FSD1L: variants seen among roughly 807,000 people sequenced by gnomAD.
FSD1L encodes fibronectin type III and SPRY domain containing 1 like, also known as FSD1-like protein.
In FSD1L, 45 loss-of-function variants were observed where a neutral mutation model predicts 71.6. The observed-to-expected ratio is 0.63, with a 90% CI of 0.49 to 0.81. The LOEUF (loss-of-function observed/expected upper bound fraction) is 0.81, where lower values mean the gene tolerates loss of function less well. Ranked by LOEUF, FSD1L falls within the 30% of genes least tolerant of loss-of-function variation. FSD1L has a pLI of 0.00. For missense variants in FSD1L, 561 were observed against 618.1 expected, an observed-to-expected ratio of 0.91 and a Z score of 0.98; for synonymous variants, 197 against 207.2, an observed-to-expected ratio of 0.95 and a Z score of 0.42.
chr9:105,447,911 C>A, upstream of FSD1L: 2 of 497,500 alleles, frequency 4.0e-6, no homozygotes, highest in South Asian at 2.5e-5. Flanking sequence ...GTGCAGCCTG[C>A]AGAGGCACTA....
At chr9:105,538,059 A>G (rs1364553035) in intron 12 of FSD1L, among the ~76,000 whole-genome samples, 1 of 152,178 alleles carries the variant, frequency 6.6e-6, no homozygotes, top group Non-Finnish European at 1.5e-5. Flanking sequence ...TTTGGGGGGA[A>G]ATGAAATGCC....
At chr9:105,465,029 T>A (rs1208354746) in intron 3 of FSD1L, among the ~76,000 whole-genome samples, 1 of 151,934 alleles carries the variant, frequency 6.6e-6, no homozygotes, top group Non-Finnish European at 1.5e-5. Context: ...TAGAAGTAGA[T>A]GAAAGTAACA....
chr9:105,471,980 T>C lies in FSD1L; in HGVS notation c.416T>C (p.Ile139Thr), dbSNP rs1375946425. The C allele has an allele frequency of 6.2e-6, 9 of 1,443,374 alleles. No homozygotes were observed. Among genetic ancestry groups the C allele is most frequent in the Non-Finnish European group, 8.2e-6 (9 of 1,099,192 alleles). 89.4% of individuals were successfully genotyped at this position (1,443,374 alleles called of 1,614,324 possible). The change falls in exon 5 of 14, where the codon ATA (isoleucine) becomes ACA (threonine). Residue 139 changes from isoleucine (I) to threonine (T), a missense_variant. Coordinates refer to ENST00000481272, the MANE Select transcript of FSD1L (RefSeq NM_001145313.3). ...GAATTTGCAACAAGGTCATTAGATA[T>C]AAAGGAACCTGAAGAATTTTCAAAG... ...LLEFATRSLD[I>T]KEPEEFSKAA... is the part of the protein sequence containing the mutation.
intron 10 of FSD1L, among the ~76,000 whole-genome samples, chr9:105,529,643 T>G (rs1393629761): frequency 6.6e-6 from 1 of 151,834 alleles, no homozygotes; most frequent in Non-Finnish European, 1.5e-5. Flanking sequence ...AGAGGTGGAA[T>G]AGCATTAGGA....
chr9:105,483,084 G>A (rs34019764), intron 6 of FSD1L, among the ~76,000 whole-genome samples: 8 of 152,064 alleles, frequency 5.3e-5, no homozygotes, highest in Middle Eastern at 3.2e-3. Flanking sequence ...TTTGAGAGAC[G>A]GGTTAGTGTA....
chr9:105,510,012 G>T (rs764867544), intron 9 of FSD1L, among the ~76,000 whole-genome samples: 1 of 152,048 alleles, frequency 6.6e-6, no homozygotes, highest in Non-Finnish European at 1.5e-5. Flanking sequence ...TTCATTTACT[G>T]TTCATATTTA....
At chr9:105,483,360 T>G (rs1180610822) in intron 6 of FSD1L, among the ~76,000 whole-genome samples, 1 of 152,206 alleles carries the variant, frequency 6.6e-6, no homozygotes, top group African/African-American at 2.4e-5. Flanking sequence ...TGGGTAGATT[T>G]GGCAGATCCA....
chr9:105,516,189 A>G (rs1482682280), intron 10 of FSD1L, among the ~76,000 whole-genome samples: 1 of 152,354 alleles, frequency 6.6e-6, no homozygotes, highest in Non-Finnish European at 1.5e-5. Flanking sequence ...CACCAGCGTC[A>G]GTCAGGGACT....
At position 105,529,254 on chromosome 9, in the gene FSD1L, C is replaced by T. The variant is rs532206118; in HGVS notation, c.1026-5239C>T. 1.6e-4 allele frequency among the ~76,000 whole-genome samples: 24 copies of T among 152,198 alleles called. No homozygotes were observed. In the South Asian group the frequency reaches 4.4e-3, roughly 28 times the overall value. The stretch of plus-strand genomic sequence containing the variant: ...TCTAGAACTAGAAATATCATTTGAC[C>T]CAGCAATCCCATTACTGGGTATATA... On this transcript the variant is annotated intron_variant, in intron 10 of 13. Transcript: ENST00000481272.
In FSD1L at chr9:105,552,328, G is replaced by C. The variant is rs1441430289; in HGVS notation, c.*5845G>C. On this transcript the variant is annotated 3_prime_UTR_variant, in exon 14 of 14. Transcript: ENST00000481272. ...TTCACTTTAAAATAGGGTATTCAAAGTGGAGTAACGTGTATTTTGAAATGA... is the reference window on the plus strand; with the variant it reads ...TTCACTTTAAAATAGGGTATTCAAACTGGAGTAACGTGTATTTTGAAATGA... 6.6e-6 allele frequency: 1 copy of C among 151,978 alleles called. No individual in the cohort carries two copies. Among genetic ancestry groups the C allele is most frequent in the South Asian group, 2.1e-4 (1 of 4,830 alleles). 9.4% of individuals were successfully genotyped at this position (151,978 alleles called of 1,614,324 possible).
At chr9:105,528,169 T>C (rs1835646994) in intron 10 of FSD1L, among the ~76,000 whole-genome samples, 1 of 152,206 alleles carries the variant, frequency 6.6e-6, no homozygotes, top group African/African-American at 2.4e-5. Context: ...AAACATTCCA[T>C]GCTCATGGAT....
chr9:105,463,550 G>T (rs1293690286), intron 2 of FSD1L, among the ~76,000 whole-genome samples: 1 of 152,206 alleles, frequency 6.6e-6, no homozygotes, highest in African/African-American at 2.4e-5. Flanking sequence ...CTTTAACTGT[G>T]TGTGGCTAGT....
chr9:105,444,203 G>C (rs1240583920), upstream of FSD1L, among the ~76,000 whole-genome samples: 1 of 152,130 alleles, frequency 6.6e-6, no homozygotes, highest in Non-Finnish European at 1.5e-5. Flanking sequence ...GAGTAAGAGA[G>C]TAATTATTAG....
At chr9:105,544,065 C>T (rs1425356485) in intron 13 of FSD1L, among the ~76,000 whole-genome samples, 10 of 152,298 alleles carry the variant, frequency 6.6e-5, no homozygotes, top group African/African-American at 2.2e-4. Context: ...TAAAAGTGTT[C>T]CTGTTTCTCC....
intron 9 of FSD1L, 23 bp from the exon 10 acceptor site, chr9:105,512,784 T>C (rs989488713): frequency 1.5e-6 from 2 of 1,323,044 alleles, no homozygotes; most frequent in East Asian, 2.6e-5. Flanking sequence ...TTTAAAAATA[T>C]ATTTAAATAT....
chr9:105,521,494 T>G (rs927496546), intron 10 of FSD1L: 4 of 1,613,954 alleles, frequency 2.5e-6, no homozygotes, highest in African/African-American at 1.3e-5. Context: ...GTGACAGAGA[T>G]ATTTCGTCAG....
At chr9:105,539,782 C>T (rs1056762220) in intron 13 of FSD1L, among the ~76,000 whole-genome samples, 1 of 152,122 alleles carries the variant, frequency 6.6e-6, no homozygotes, top group African/African-American at 2.4e-5. Flanking sequence ...TTTGACTCAA[C>T]ATTATGCTTG....
At chr9:105,459,954 T>C (rs1200550311) in intron 1 of FSD1L, among the ~76,000 whole-genome samples, 1 of 152,238 alleles carries the variant, frequency 6.6e-6, no homozygotes, top group Non-Finnish European at 1.5e-5. Context: ...GTGGACCCTT[T>C]ATCTAGGTGT....
At chr9:105,488,520 A>G (rs1832702407) in intron 7 of FSD1L, among the ~76,000 whole-genome samples, 1 of 152,190 alleles carries the variant, frequency 6.6e-6, no homozygotes, top group Admixed American at 6.5e-5. Flanking sequence ...ATAAGTTTTC[A>G]ACTCCTTTGG....
Sources: allele counts gnomAD v4.1 joint callset (sites outside exome capture counted in the v4.1 genomes callset), GRCh38; gene constraint gnomAD v4.1.1; transcripts MANE v1.5; gene names NCBI Gene and HGNC (gene_info 2026-07-23, HGNC 2026-07-21).